Variants in PAK4 observed in about 807,000 individuals in gnomAD.
PAK4 encodes the protein serine/threonine-protein kinase PAK 4.
A neutral mutation model predicts 53.5 loss-of-function variants in PAK4; 49 were observed. The observed-to-expected ratio is 0.92, with a 90% CI of 0.73 to 1.16. The LOEUF (loss-of-function observed/expected upper bound fraction) is 1.16. Ranked by LOEUF, PAK4 falls within the 50% of genes most tolerant of loss-of-function variation. The pLI is 0.00. For missense variants in PAK4, 824 were observed against 850.7 expected (o/e 0.97, Z 0.39); for synonymous variants, 376 against 375.6 (o/e 1.00, Z -0.01).
At chr19:39,138,583 T>C (rs2073859608) in intron 1 of PAK4, among the ~76,000 whole-genome samples, 1 of 152,152 alleles carries the variant, frequency 6.6e-6, no homozygotes, top group African/African-American at 2.4e-5. Context: ...AGGGAGTCTG[T>C]GCCCTCCACT....
At chr19:39,147,212 C>G (rs1025261684) in intron 1 of PAK4, among the ~76,000 whole-genome samples, 2 of 152,274 alleles carry the variant, frequency 1.3e-5, no homozygotes, top group East Asian at 3.9e-4. Context: ...GTCTATTCCC[C>G]CATTGTTAGG....
intron 2 of PAK4, among the ~76,000 whole-genome samples, chr19:39,171,302 G>A (rs1274767847): frequency 1.3e-5 from 2 of 151,452 alleles, no homozygotes; most frequent in African/African-American, 4.9e-5. Context: ...TTCGCCTCCT[G>A]GGTTCAAGCG....
chr19:39,158,757 G>A (rs1312490148), intron 1 of PAK4, among the ~76,000 whole-genome samples: 1 of 152,112 alleles, frequency 6.6e-6, no homozygotes, highest in African/African-American at 2.4e-5. Context: ...ACACAGAGAT[G>A]GCCCCAGGCC....
chr19:39,152,614 G>T (rs1350691045), intron 1 of PAK4, among the ~76,000 whole-genome samples: 8 of 152,186 alleles, frequency 5.3e-5, no homozygotes, highest in Non-Finnish European at 1.5e-5. Flanking sequence ...GAAAGAATTT[G>T]TGCTGGGTTT....
intron 1 of PAK4, among the ~76,000 whole-genome samples, chr19:39,167,270 G>A (rs2074392656): frequency 6.6e-6 from 1 of 152,244 alleles, no homozygotes; most frequent in African/African-American, 2.4e-5. Context: ...AAGAGGCCTG[G>A]GCTGGGCATG....
At chr19:39,130,400 A>C (rs1161251443) in intron 1 of PAK4, among the ~76,000 whole-genome samples, 2 of 151,984 alleles carry the variant, frequency 1.3e-5, no homozygotes, top group East Asian at 3.9e-4. Flanking sequence ...AAGCCCGAGG[A>C]GGCATGTGGC....
intron 1 of PAK4, among the ~76,000 whole-genome samples, chr19:39,133,752 C>T (rs1235190853): frequency 6.6e-6 from 1 of 152,174 alleles, no homozygotes; most frequent in African/African-American, 2.4e-5. Context: ...TGCCACCTGT[C>T]CTGGGAACTC....
intron 2 of PAK4, among the ~76,000 whole-genome samples, chr19:39,170,551 C>T (rs2074459285): frequency 6.6e-6 from 1 of 152,232 alleles, no homozygotes. Flanking sequence ...CCTCTGAAGC[C>T]AGCCTTGGAG....
exon 2 of PAK4, chr19:39,169,585 T>C: frequency 6.2e-7 from 1 of 1,613,732 alleles, no homozygotes; most frequent in Non-Finnish European, 8.5e-7. Flanking sequence ...CGGGTGGAGA[T>C]CTCCGCGCCG....
exon 2 of PAK4, chr19:39,169,599 A>G (rs746029459): frequency 4.3e-6 from 7 of 1,610,506 alleles, no homozygotes; most frequent in Non-Finnish European, 4.2e-6. Context: ...CGCGCCGTCC[A>G]ACTTCGAGCA....
chr19:39,149,365 T>C (rs2074057369), intron 1 of PAK4, among the ~76,000 whole-genome samples: 1 of 152,274 alleles, frequency 6.6e-6, no homozygotes. Flanking sequence ...CTTGAAAACA[T>C]TATGCTTAGT....
chr19:39,145,186 C>T (rs2073979353), intron 1 of PAK4, among the ~76,000 whole-genome samples: 1 of 152,156 alleles, frequency 6.6e-6, no homozygotes, highest in African/African-American at 2.4e-5. Flanking sequence ...ACCCTCAGGC[C>T]CGCTGCCCAG....
At chr19:39,169,074 A>C (rs554701744) in intron 1 of PAK4, among the ~76,000 whole-genome samples, 1 of 152,262 alleles carries the variant, frequency 6.6e-6, no homozygotes, top group Admixed American at 6.5e-5. Flanking sequence ...CCGGGCTGTG[A>C]CTGTGATGTA....
intron 1 of PAK4, among the ~76,000 whole-genome samples, chr19:39,130,395 C>T (rs1383441184): frequency 5.3e-5 from 8 of 151,922 alleles, no homozygotes; most frequent in East Asian, 3.9e-4. Flanking sequence ...GTAGGAAGCC[C>T]GAGGAGGCAT....
intron 2 of PAK4, among the ~76,000 whole-genome samples, chr19:39,172,019 A>T (rs928217177): frequency 3.3e-5 from 5 of 152,168 alleles, no homozygotes; most frequent in African/African-American, 1.2e-4. Context: ...AGCTGCTGTT[A>T]GGTGCTCTAG....
At chr19:39,149,551 T>G (rs2074060312) in intron 1 of PAK4, among the ~76,000 whole-genome samples, 1 of 152,000 alleles carries the variant, frequency 6.6e-6, no homozygotes, top group African/African-American at 2.4e-5. Flanking sequence ...TGAGACCCGG[T>G]CTCTTTTAAA....
At chr19:39,153,830 G>A (rs529497699) in intron 1 of PAK4, among the ~76,000 whole-genome samples, 51 of 152,140 alleles carry the variant, frequency 3.4e-4, no homozygotes, top group African/African-American at 1.2e-3. Flanking sequence ...TAATCCTCCC[G>A]CCTCGGCATC....
At chr19:39,164,405 A>G (rs971198441) in intron 1 of PAK4, among the ~76,000 whole-genome samples, 2 of 152,024 alleles carry the variant, frequency 1.3e-5, no homozygotes, top group African/African-American at 4.8e-5. Flanking sequence ...AGGGCTTGTG[A>G]GCACAGGCGG....
chr19:39,157,116 C>A (rs867417020), intron 1 of PAK4, among the ~76,000 whole-genome samples: 15 of 152,188 alleles, frequency 9.9e-5, no homozygotes, highest in African/African-American at 3.6e-4. Context: ...CAGAAGTTTC[C>A]GTGAGACTGT....
Sources: allele counts gnomAD v4.1 joint callset (sites outside exome capture counted in the v4.1 genomes callset), GRCh38; gene constraint gnomAD v4.1.1; transcripts MANE v1.5; gene names NCBI Gene and HGNC (gene_info 2026-07-23, HGNC 2026-07-21).